SYNPO2: variants seen among roughly 807,000 people sequenced by gnomAD.
SYNPO2 encodes the protein synaptopodin-2.
A neutral mutation model predicts 85.0 loss-of-function variants in SYNPO2; 56 were observed. The observed-to-expected ratio is 0.66, with a 90% CI of 0.53 to 0.82. The LOEUF is 0.82. Ranked by LOEUF, SYNPO2 falls within the 40% of genes least tolerant of loss-of-function variation. SYNPO2 has a pLI of 0.00. For missense variants in SYNPO2, 1,575 were observed against 1,534.2 expected, an observed-to-expected ratio of 1.03 and a Z score of -0.44; for synonymous variants, 602 against 591.1, an observed-to-expected ratio of 1.02 and a Z score of -0.27.
intron 1 of SYNPO2, among the ~76,000 whole-genome samples, chr4:118,983,193 C>A (rs1736094508): frequency 1.3e-5 from 2 of 152,136 alleles, no homozygotes; most frequent in Admixed American, 6.5e-5. Context: ...TTATTCATCC[C>A]TTTCAGTCTT....
intron 1 of SYNPO2, among the ~76,000 whole-genome samples, chr4:118,903,139 T>A (rs1245492901): frequency 1.3e-5 from 2 of 152,212 alleles, no homozygotes; most frequent in Non-Finnish European, 2.9e-5. Flanking sequence ...TACTTAGTTT[T>A]ATAGGTGAGA....
chr4:118,864,570 C>T (rs1341097723), intron 1 of SYNPO2, among the ~76,000 whole-genome samples: 1 of 152,188 alleles, frequency 6.6e-6, no homozygotes, highest in African/African-American at 2.4e-5. Context: ...GTATTTCGAT[C>T]TGTCTGTCTC....
At position 119,007,267 on chromosome 4, in the gene SYNPO2, T is replaced by TATACATATATATGTATATAC. The variant is rs774553178; in HGVS notation, c.106-16160_106-16159insCATATATATGTATATACATA. On this transcript the variant is annotated intron_variant, in intron 1 of 4. Transcript: ENST00000307142. ...ATATGTATATACATATATATATATA[T>TATACATATATATGTATATAC]ATATATATGTATATACATATATATA... Among the ~76,000 whole-genome samples the TATACATATATATGTATATAC allele has an allele frequency of 2.1e-3, 158 of 73,986 alleles. 5 individuals are homozygous for TATACATATATATGTATATAC. The East Asian group carries it at 0.036, about 17-fold the overall frequency. 48.5% of individuals were successfully genotyped at this position (73,986 alleles called of 152,430 possible). A position where few individuals can be genotyped will look rare whatever the true frequency, so the allele number is the denominator to read the frequency against.
intron 4 of SYNPO2, among the ~76,000 whole-genome samples, chr4:119,053,946 T>G (rs1739129667): frequency 6.6e-6 from 1 of 152,220 alleles, no homozygotes; most frequent in South Asian, 2.1e-4. Flanking sequence ...CTTTATCTAT[T>G]GCCATCCCCT....
At chr4:118,954,664 G>C (rs1209673817) in intron 1 of SYNPO2, among the ~76,000 whole-genome samples, 1 of 44,284 alleles carries the variant, frequency 2.3e-5, no homozygotes, top group African/African-American at 4.7e-5. Flanking sequence ...AGTTGATCAA[G>C]TATCCTTCAG....
intron 2 of SYNPO2, among the ~76,000 whole-genome samples, chr4:119,024,573 TA>T (rs1317851111): frequency 1.3e-5 from 2 of 152,206 alleles, no homozygotes; most frequent in Non-Finnish European, 2.9e-5. Flanking sequence ...ATAATCTAAA[TA>T]TTTACCCATC....
intron 1 of SYNPO2, among the ~76,000 whole-genome samples, chr4:118,903,719 A>T (rs1578535004): frequency 6.7e-6 from 1 of 148,354 alleles, no homozygotes; most frequent in Non-Finnish European, 1.5e-5. Flanking sequence ...AAATGGTACA[A>T]TTTTTTTTTT....
At chr4:119,009,035 A>T (rs1278014237) in intron 1 of SYNPO2, among the ~76,000 whole-genome samples, 1 of 152,224 alleles carries the variant, frequency 6.6e-6, no homozygotes, top group East Asian at 1.9e-4. Context: ...CAGCATGTTA[A>T]ATTTTGTGAT....
chr4:119,031,147 C>G lies in SYNPO2; in HGVS notation c.2372C>G (p.Ala791Gly), dbSNP rs1212667298. 1.2e-6 allele frequency: 2 copies of G among 1,614,154 alleles called. No homozygotes were observed. The highest frequency in any genetic ancestry group is 1.7e-5 in the Admixed American group (1 of 60,010). The change falls in exon 4 of 5, where the codon GCC becomes GGC. Residue 791 changes from alanine to glycine, a missense_variant. Ala to Gly is a moderately conservative substitution (Grantham distance 60). This residue lies in a region of SYNPO2 where 1,508 missense variants were observed against 1,446.8 expected (regional missense o/e 1.04). Coordinates refer to ENST00000307142, the MANE Select transcript of SYNPO2 (RefSeq NM_133477.3). Reference sequence around the variant, plus strand: ...GGAGTGGCTCCCACCCAACCTCCTGCCTTCCCCACATCCAACCCATCAAAG... The same window carrying G: ...GGAGTGGCTCCCACCCAACCTCCTGGCTTCCCCACATCCAACCCATCAAAG... ...SPGVAPTQPP[A>G]FPTSNPSKGT...
intron 1 of SYNPO2, among the ~76,000 whole-genome samples, chr4:118,978,975 A>C (rs1199240341): frequency 1.3e-5 from 2 of 152,178 alleles, no homozygotes; most frequent in Admixed American, 1.3e-4. Flanking sequence ...GCATTCTTAC[A>C]TCATTTCTGA....
chr4:118,915,458 C>T (rs1056114700), intron 1 of SYNPO2, among the ~76,000 whole-genome samples: 15 of 152,038 alleles, frequency 9.9e-5, no homozygotes, highest in African/African-American at 3.1e-4. Flanking sequence ...ATGTAATCTT[C>T]GGGACTTGTT....
chr4:119,018,619 A>T (rs911941762), intron 1 of SYNPO2, among the ~76,000 whole-genome samples: 1 of 152,020 alleles, frequency 6.6e-6, no homozygotes. Flanking sequence ...TCTCTTTTTG[A>T]TAAAAGATAG....
In SYNPO2 at chr4:118,876,662, CCTTTCTCTTTCTTTCTTT is replaced by C. The variant is rs1398919595; in HGVS notation, c.12+25729_12+25746del. ...TCCTTCCTTTCTTCCTTCCTTCCTT[CCTTTCTCTTTCTTTCTTT>C]CTTTCTTTCTTTCTTTCTTTCTTTC... On this transcript the variant is annotated intron_variant, in intron 1 of 4. Coordinates refer to the SYNPO2 transcript ENST00000610556. Among the ~76,000 whole-genome samples the C allele has an allele frequency of 9.2e-4, 131 of 141,738 alleles. 1 individual carries two copies. The Middle Eastern group carries it at 0.018, about 19-fold the overall frequency. The allele number at this position is 141,738 out of a possible 152,430, so 93.0% of individuals were successfully genotyped here. A position where few individuals can be genotyped will look rare whatever the true frequency, so the allele number is the denominator to read the frequency against.
At chr4:118,863,287 G>A (rs189259302) in intron 1 of SYNPO2, among the ~76,000 whole-genome samples, 222 of 152,218 alleles carry the variant, frequency 1.5e-3, no homozygotes, top group African/African-American at 5.1e-3. Context: ...TTCAGGCCCC[G>A]ATCTTTTGTT....
intron 1 of SYNPO2, among the ~76,000 whole-genome samples, chr4:118,904,632 C>A (rs1732873401): frequency 6.6e-6 from 1 of 152,112 alleles, no homozygotes; most frequent in Non-Finnish European, 1.5e-5. Context: ...TTCCCTCCCC[C>A]ACCTCCACCC....
At chr4:119,034,159 G>T in intron 4 of SYNPO2, 1 of 985,420 alleles carries the variant, frequency 1.0e-6, no homozygotes, top group South Asian at 4.7e-5. Flanking sequence ...CTTGCATTTT[G>T]AATTCTTTTC....
intron 1 of SYNPO2, among the ~76,000 whole-genome samples, chr4:118,966,128 G>A (rs570082621): frequency 6.6e-6 from 1 of 152,240 alleles, no homozygotes; most frequent in East Asian, 1.9e-4. Context: ...AGTCTGATAG[G>A]ACAACCAGGA....
rs34589820 is a variant in SYNPO2, at chr4:119,038,897, G to GT, written c.3252+6882dup. 8.6e-4 allele frequency among the ~76,000 whole-genome samples: 128 copies of GT among 148,318 alleles called. 3 individuals are homozygous for GT. In the East Asian group the frequency reaches 0.013, roughly 15 times the overall value. On this transcript the variant is annotated intron_variant, in intron 4 of 4. Transcript: ENST00000307142. ...TTTAAACCTTACATTTTTTCCAGTG[G>GT]TTTTTTTTTTTTCCTTTTATATATC...
Position 119,023,418 on chromosome 4 carries a change from T to A in SYNPO2, c.106-12T>A, listed in dbSNP as rs768886528. On this transcript the variant is annotated splice_polypyrimidine_tract_variant and intron_variant, in intron 1 of 4. Coordinates refer to ENST00000307142, the MANE Select transcript of SYNPO2 (RefSeq NM_133477.3). ...ATCATTCTACTATGTCTTCTTTTTT[T>A]ACTCCACTCAGATTCGAAATCAGAG... 5.6e-6 allele frequency: 9 copies of A among 1,594,256 alleles called. No individual in the cohort carries two copies. Among genetic ancestry groups the A allele is most frequent in the Non-Finnish European group, 6.8e-6 (8 of 1,171,982 alleles).
Sources: gnomAD v4.1 joint callset for allele counts (sites outside exome capture counted in the v4.1 genomes callset) on GRCh38, gnomAD v4.1.1 for gene constraint, gnomAD v4.1.1 regional missense constraint, MANE v1.5 for transcripts, NCBI Gene and HGNC (gene_info 2026-07-23, HGNC 2026-07-21) for gene names.